Variants in TSPAN18 observed in about 807,000 individuals in gnomAD.
TSPAN18 encodes the protein tetraspanin 18.
A neutral mutation model predicts 27.3 loss-of-function variants in TSPAN18; 14 were observed. The observed-to-expected ratio is 0.51, with a 90% confidence interval of 0.34 to 0.80. The LOEUF (loss-of-function observed/expected upper bound fraction) is 0.80, where lower values mean the gene tolerates loss of function less well. Ranked by LOEUF, TSPAN18 falls within the 30% of genes least tolerant of loss-of-function variation. The pLI, the probability that TSPAN18 is intolerant of heterozygous loss-of-function variation, is 0.01. For missense variants in TSPAN18, 268 were observed against 323.9 expected (o/e 0.83, Z 1.32); for synonymous variants, 143 against 136.5 (o/e 1.05, Z -0.33).
intron 1 of TSPAN18, among the ~76,000 whole-genome samples, chr11:44,750,326 T>C (rs1421013158): frequency 6.6e-6 from 1 of 152,226 alleles, no homozygotes; most frequent in Non-Finnish European, 1.5e-5. Flanking sequence ...GCCTTCCTCA[T>C]AGCCATAGAT....
Position 44,919,218 on chromosome 11 carries a change from C to T in TSPAN18, c.338C>T (p.Thr113Ile). ...ILAFIFRENL[T>I]REFFTKELTK... The stretch of plus-strand genomic sequence containing the variant: ...ATCTTCTCCCTCTGCCCCCAGCTCA[C>T]CCGAGAATTCTTCACCAAGGAGCTC... Residue 113 changes from threonine (T) to isoleucine (I), a missense_variant, in exon 7 of 10, where the codon ACC (threonine) becomes ATC (isoleucine). Thr to Ile is a moderately conservative substitution (Grantham distance 89). Transcript: ENST00000520358. The T allele has an allele frequency of 1.2e-6, 2 of 1,613,980 alleles. No homozygotes were observed. The highest frequency in any genetic ancestry group is 1.7e-6 in the Non-Finnish European group (2 of 1,179,906).
At chr11:44,773,577 A>G (rs145563121) in intron 2 of TSPAN18, among the ~76,000 whole-genome samples, 2 of 152,140 alleles carry the variant, frequency 1.3e-5, no homozygotes, top group Non-Finnish European at 2.9e-5. Flanking sequence ...TTGTTTCAAA[A>G]TTCCCTACAG....
At chr11:44,896,091 C>T (rs1176322746) in intron 3 of TSPAN18, among the ~76,000 whole-genome samples, 2 of 152,122 alleles carry the variant, frequency 1.3e-5, no homozygotes, top group Non-Finnish European at 2.9e-5. Context: ...TGTACATCTA[C>T]TCAGTGGATG....
intron 2 of TSPAN18, among the ~76,000 whole-genome samples, chr11:44,807,683 AT>A (rs765146379): frequency 6.6e-6 from 1 of 152,074 alleles, no homozygotes; most frequent in Non-Finnish European, 1.5e-5. Flanking sequence ...GGTTGAGTGG[AT>A]TAGAGACTTT....
At chr11:44,770,304 A>T (rs1403949603) in intron 2 of TSPAN18, among the ~76,000 whole-genome samples, 1 of 152,094 alleles carries the variant, frequency 6.6e-6, no homozygotes, top group Non-Finnish European at 1.5e-5. Flanking sequence ...GAGGATTGCT[A>T]TTATGGATAG....
At chr11:44,758,419 A>G (rs1031420030) in intron 1 of TSPAN18, among the ~76,000 whole-genome samples, 1 of 152,150 alleles carries the variant, frequency 6.6e-6, no homozygotes, top group Non-Finnish European at 1.5e-5. Flanking sequence ...ATGGTGTATA[A>G]TCCTTTTAAT....
chr11:44,920,736 C>T (rs2135369660), intron 8 of TSPAN18, among the ~76,000 whole-genome samples: 1 of 152,234 alleles, frequency 6.6e-6, no homozygotes, highest in Admixed American at 6.5e-5. Flanking sequence ...CCCCAGCCCC[C>T]TTGCTTGAGT....
At chr11:44,818,534 AGACCTGGCTCCT>A (rs1856859800) in intron 2 of TSPAN18, among the ~76,000 whole-genome samples, 1 of 152,140 alleles carries the variant, frequency 6.6e-6, no homozygotes, top group Non-Finnish European at 1.5e-5. Flanking sequence ...CATTTGTCTG[AGACCTGGCTCCT>A]GGCTTCTCTC....
chr11:44,897,271 G>C lies in TSPAN18; in HGVS notation c.-10-9136G>C, dbSNP rs190949115. On this transcript the variant is annotated intron_variant, in intron 3 of 9. Transcript: ENST00000520358. ...ACCTTCTCACAAATCCTTATGCAAA[G>C]CCAAGAAACACTTTCCAGCATCAAA... Among the ~76,000 whole-genome samples the C allele has an allele frequency of 7.2e-5, 11 of 152,302 alleles. No individual in the cohort carries two copies. The East Asian group carries it at 1.5e-3, about 21-fold the overall frequency.
intron 2 of TSPAN18, among the ~76,000 whole-genome samples, chr11:44,785,076 TA>T (rs1259570435): frequency 6.6e-6 from 1 of 152,238 alleles, no homozygotes; most frequent in Non-Finnish European, 1.5e-5. Context: ...GGGCTAGTGC[TA>T]AAATCCAGAT....
intron 2 of TSPAN18, among the ~76,000 whole-genome samples, chr11:44,769,039 C>T (rs986483078): frequency 3.3e-5 from 5 of 151,878 alleles, no homozygotes; most frequent in African/African-American, 4.8e-5. Flanking sequence ...AGATTACAGG[C>T]GCATGCTACC....
At chr11:44,773,262 T>C (rs1449348447) in intron 2 of TSPAN18, among the ~76,000 whole-genome samples, 1 of 151,686 alleles carries the variant, frequency 6.6e-6, no homozygotes, top group Non-Finnish European at 1.5e-5. Context: ...ACTAAAAATA[T>C]AAAATTAGCC....
chr11:44,854,320 C>G (rs1857681206), intron 2 of TSPAN18, among the ~76,000 whole-genome samples: 1 of 152,026 alleles, frequency 6.6e-6, no homozygotes, highest in African/African-American at 2.4e-5. Flanking sequence ...ACCTGGAACA[C>G]CGGGAGGAAC....
chr11:44,772,358 A>C (rs562248434), intron 2 of TSPAN18, among the ~76,000 whole-genome samples: 178 of 152,370 alleles, frequency 1.2e-3, no homozygotes, highest in African/African-American at 4.2e-3. Context: ...ATGGCCAGAA[A>C]AGAAACAGAC....
chr11:44,920,930 A>T (rs1860109775), intron 8 of TSPAN18, among the ~76,000 whole-genome samples: 1 of 152,232 alleles, frequency 6.6e-6, no homozygotes, highest in Non-Finnish European at 1.5e-5. Context: ...AAATAAAACC[A>T]GATGAGGGGC....
At chr11:44,828,098 TGTGTAA>T (rs2135136967) in intron 2 of TSPAN18, among the ~76,000 whole-genome samples, 1 of 152,192 alleles carries the variant, frequency 6.6e-6, no homozygotes, top group South Asian at 2.1e-4. Context: ...GGGTCTTCTG[TGTGTAA>T]GCATTGGGTG....
intron 2 of TSPAN18, among the ~76,000 whole-genome samples, chr11:44,856,625 T>A (rs1857746034): frequency 6.6e-6 from 1 of 152,170 alleles, no homozygotes; most frequent in Non-Finnish European, 1.5e-5. Context: ...GAAGGTGTAA[T>A]CTGTGCCTCT....
At chr11:44,793,983 G>A (rs777402006) in intron 2 of TSPAN18, among the ~76,000 whole-genome samples, 15 of 152,160 alleles carry the variant, frequency 9.9e-5, no homozygotes, top group African/African-American at 3.6e-4. Flanking sequence ...GAACAGGGGG[G>A]TGGGGGGAGT....
intron 1 of TSPAN18, among the ~76,000 whole-genome samples, chr11:44,762,064 G>A (rs566368507): frequency 6.6e-6 from 1 of 152,312 alleles, no homozygotes; most frequent in Non-Finnish European, 1.5e-5. Context: ...ATTTTGGGAA[G>A]GCAGTTTGTC....
Sources: allele counts gnomAD v4.1 joint callset (sites outside exome capture counted in the v4.1 genomes callset), GRCh38; gene constraint gnomAD v4.1.1; transcripts MANE v1.5; gene names NCBI Gene and HGNC (gene_info 2026-07-23, HGNC 2026-07-21).